Variants in NEK5 observed in about 807,000 individuals in gnomAD.
NEK5 encodes the protein serine/threonine-protein kinase Nek5.
NEK5 carries 88 observed loss-of-function variants against 109.2 expected under a neutral mutation model. That is an observed-to-expected ratio of 0.81 (90% confidence interval 0.68 to 0.96). The LOEUF (loss-of-function observed/expected upper bound fraction) is 0.96. Among genes scored for constraint, NEK5 ranks in the 40% least tolerant of loss-of-function variants. The pLI is 0.00. For synonymous variants in NEK5, 283 were observed against 299.9 expected (o/e 0.94, Z 0.58); for missense variants, 834 against 920.7 (o/e 0.91, Z 1.22).
intron 7 of NEK5, among the ~76,000 whole-genome samples, chr13:52,108,688 T>C (rs891462614): frequency 6.6e-6 from 1 of 152,168 alleles, no homozygotes; most frequent in South Asian, 2.1e-4. Flanking sequence ...ATCTCTCAGA[T>C]GTAGAGATTA....
At chr13:52,061,521 C>G (rs1365357968) in intron 22 of NEK5, among the ~76,000 whole-genome samples, 3 of 152,140 alleles carry the variant, frequency 2.0e-5, no homozygotes, top group Non-Finnish European at 1.5e-5. Flanking sequence ...TAAACTGACT[C>G]AGGTAGAGCA....
At chr13:52,118,709 T>C (rs558694696) in intron 4 of NEK5, among the ~76,000 whole-genome samples, 2 of 152,252 alleles carry the variant, frequency 1.3e-5, no homozygotes, top group Admixed American at 1.3e-4. Flanking sequence ...TCCGTGGCAG[T>C]GTGCTAGGCT....
intron 16 of NEK5, among the ~76,000 whole-genome samples, chr13:52,084,756 A>T (rs1160591198): frequency 5.5e-3 from 288 of 52,164 alleles, no homozygotes; most frequent in African/African-American, 0.011. Flanking sequence ...AGAGAGAGAG[A>T]GAGAGAGTGT....
intron 23 of NEK5, among the ~76,000 whole-genome samples, chr13:52,040,600 T>C (rs1954405133): frequency 6.6e-6 from 1 of 152,180 alleles, no homozygotes; most frequent in African/African-American, 2.4e-5. Flanking sequence ...ATTATAGTCT[T>C]CCTAAGATAA....
chr13:52,034,869 A>G lies in NEK5; in HGVS notation c.*2079T>C, dbSNP rs1196547226. Reference sequence around the variant, plus strand: ...GCGTGTTCATTTACCATCCTTAAACATTCTTTTTTTTCTTTTTTTTTTTTT... The same window carrying G: ...GCGTGTTCATTTACCATCCTTAAACGTTCTTTTTTTTCTTTTTTTTTTTTT... On this transcript the variant is annotated 3_prime_UTR_variant, in exon 24 of 24. Coordinates refer to ENST00000684899, the MANE Select transcript of NEK5 (RefSeq NM_001365552.1). The G allele has an allele frequency of 1.6e-5, 2 of 122,764 alleles. No individual in the cohort carries two copies. The highest frequency in any genetic ancestry group is 2.9e-5 in the African/African-American group (1 of 34,666). The allele number at this position is 122,764 out of a possible 1,614,324, so 7.6% of individuals were successfully genotyped here.
intron 13 of NEK5, 90 bp downstream of exon 13, chr13:52,092,964 G>T: frequency 1.2e-6 from 1 of 843,166 alleles, no homozygotes; most frequent in Non-Finnish European, 1.8e-6. Flanking sequence ...GATTATTTGT[G>T]TTAGGAGAAT....
At position 52,036,413 on chromosome 13, in the gene NEK5, GGGGGCATTGAGC is replaced by G. The variant is rs1341635553; in HGVS notation, c.*523_*534del. On this transcript the variant is annotated 3_prime_UTR_variant, in exon 24 of 24. Transcript: ENST00000684899. ...GGATTAGGATGGGACATGTTTTGGA[GGGGGCATTGAGC>G]CACATTACTCTGCCTACCACATATA... is the stretch of plus-strand genomic sequence containing the variant. 3 of 152,136 alleles carry G rather than the reference GGGGGCATTGAGC, an allele frequency of 2.0e-5. No individual in the cohort carries two copies. The highest frequency in any genetic ancestry group is 7.2e-5 in the African/African-American group (3 of 41,426). The allele number at this position is 152,136 out of a possible 1,614,324, so 9.4% of individuals were successfully genotyped here. A position where few individuals can be genotyped will look rare whatever the true frequency, so the allele number is the denominator to read the frequency against.
In NEK5 at chr13:52,083,290, T is replaced by C. The variant is rs1296193741; in HGVS notation, c.1542A>G (p.Gln514=). 1 of 1,613,238 alleles carries C rather than the reference T, an allele frequency of 6.2e-7. No individual in the cohort carries two copies. The highest frequency in any genetic ancestry group is 1.1e-5 in the South Asian group (1 of 91,076). Residue 514 remains glutamine (Q), a synonymous_variant, in exon 17 of 24, where the codon CAA becomes CAG. Coordinates refer to ENST00000684899, the MANE Select transcript of NEK5 (RefSeq NM_001365552.1). ...LVKKSNLPVH[Q]DASEGEAPVQ... is the part of the protein sequence containing the mutation. ...CAGGTGCTTCTCCCTCAGATGCATC[T>C]TGATGGACAGGCAGGTTACTCTTCT...
At chr13:52,047,630 C>T (rs1391499600) in intron 23 of NEK5, among the ~76,000 whole-genome samples, 1 of 152,036 alleles carries the variant, frequency 6.6e-6, no homozygotes, top group African/African-American at 2.4e-5. Context: ...CACTTGAGGC[C>T]AGGAGTTCAA....
rs544635413 is a variant in NEK5, at chr13:52,127,695, G to C, written c.-90-33C>G. 6.0e-6 allele frequency: 3 copies of C among 496,738 alleles called. No individual in the cohort carries two copies. In the East Asian group the frequency reaches 1.0e-4, roughly 17 times the overall value. 30.8% of individuals were successfully genotyped at this position (496,738 alleles called of 1,614,324 possible). On this transcript the variant is annotated intron_variant, in intron 1 of 23. Coordinates refer to ENST00000684899, the MANE Select transcript of NEK5 (RefSeq NM_001365552.1). ...GAGACAGAGTTTCTTGGTCAGACACGGGTCATAGCTCAGCTTTGATACACT... is the reference window on the plus strand; with the variant it reads ...GAGACAGAGTTTCTTGGTCAGACACCGGTCATAGCTCAGCTTTGATACACT...
At chr13:52,086,021 T>A (rs968034191) in intron 16 of NEK5, among the ~76,000 whole-genome samples, 1 of 152,138 alleles carries the variant, frequency 6.6e-6, no homozygotes, top group Non-Finnish European at 1.5e-5. Flanking sequence ...AAGGAAACAA[T>A]CAATAAGTAC....
chr13:52,034,993 A>G lies in NEK5; in HGVS notation c.*1955T>C, dbSNP rs73500116. The G allele has an allele frequency of 7.5e-3, 1,134 of 150,400 alleles. 11 individuals are homozygous for G. The highest frequency in any genetic ancestry group is 0.027 in the African/African-American group (1,091 of 40,912). 9.3% of individuals were successfully genotyped at this position (150,400 alleles called of 1,614,324 possible). A position where few individuals can be genotyped will look rare whatever the true frequency, so the allele number is the denominator to read the frequency against. On this transcript the variant is annotated 3_prime_UTR_variant, in exon 24 of 24. Transcript: ENST00000684899. ...AAATACAGTTCAGAATAAGGATTAC[A>G]TGAAGTCACTAGCAGTTTTACTATG...
intron 11 of NEK5, among the ~76,000 whole-genome samples, chr13:52,100,304 C>T (rs910186840): frequency 1.3e-5 from 2 of 152,026 alleles, no homozygotes; most frequent in East Asian, 3.9e-4. Flanking sequence ...CTCTGTCACC[C>T]GGGCTACGGT....
chr13:52,068,932 C>T (rs541225759), intron 20 of NEK5, among the ~76,000 whole-genome samples: 2 of 95,898 alleles, frequency 2.1e-5, no homozygotes, highest in African/African-American at 5.4e-5. Context: ...GATTGTGCCA[C>T]TGCACTCCAG....
At chr13:52,043,548 AAAAGAAAG>A (rs1306621475) in intron 23 of NEK5, among the ~76,000 whole-genome samples, 52 of 146,902 alleles carry the variant, frequency 3.5e-4, no homozygotes, top group African/African-American at 1.2e-3. Context: ...AAAAAAAAAA[AAAAGAAAG>A]AAAAAGAAAA....
At chr13:52,080,567 T>G (rs867833089) in intron 17 of NEK5, among the ~76,000 whole-genome samples, 18 of 152,348 alleles carry the variant, frequency 1.2e-4, no homozygotes, top group African/African-American at 2.2e-4. Flanking sequence ...TTCTGCCTTG[T>G]GATCCTGTTG....
chr13:52,125,257 G>A (rs537248029), intron 3 of NEK5, among the ~76,000 whole-genome samples: 3 of 152,148 alleles, frequency 2.0e-5, no homozygotes, highest in Non-Finnish European at 4.4e-5. Context: ...ATGCTACACA[G>A]CAATAGATTA....
intron 5 of NEK5, among the ~76,000 whole-genome samples, chr13:52,111,056 T>C (rs1955749249): frequency 6.6e-6 from 1 of 152,164 alleles, no homozygotes; most frequent in South Asian, 2.1e-4. Flanking sequence ...GGAATTGTAA[T>C]AAAATATCAG....
At chr13:52,112,669 T>C (rs1955780531) in intron 4 of NEK5, among the ~76,000 whole-genome samples, 1 of 152,218 alleles carries the variant, frequency 6.6e-6, no homozygotes, top group Non-Finnish European at 1.5e-5. Flanking sequence ...TTTTTATTAA[T>C]ACATTCCTTT....
Sources: allele counts gnomAD v4.1 joint callset (sites outside exome capture counted in the v4.1 genomes callset), GRCh38; gene constraint gnomAD v4.1.1; transcripts MANE v1.5; gene names NCBI Gene and HGNC (gene_info 2026-07-23, HGNC 2026-07-21).